The following DLG1 variants were observed in gnomAD, a reference collection of about 807,000 sequenced individuals.
The protein encoded by DLG1 is disks large homolog 1.
Under a neutral mutation model 123.4 loss-of-function variants are expected in DLG1, and 42 were observed. The ratio of observed to expected loss-of-function variants is 0.34; its 90% CI spans 0.27 to 0.44. The LOEUF (loss-of-function observed/expected upper bound fraction) is 0.44. Ranked by LOEUF, DLG1 falls within the 20% of genes least tolerant of loss-of-function variation. The pLI, the probability that DLG1 is intolerant of heterozygous loss-of-function variation, is 1.00. For synonymous variants in DLG1, 317 were observed against 356.2 expected (o/e 0.89, Z 1.24); for missense variants, 942 against 1,082.6 (o/e 0.87, Z 1.82).
rs182749307 is a variant in DLG1 at position 197,199,496 on chromosome 3, T to C, written c.319-4907A>G. On this transcript the variant is annotated intron_variant, in intron 4 of 24. Coordinates refer to ENST00000667157, the MANE Select transcript of DLG1 (RefSeq NM_001366207.1). The stretch of plus-strand genomic sequence containing the variant: ...AAACAAATTTCATCCCATCCCAACA[T>C]ATCTCATTATGTATATGCAAATATC... Among the ~76,000 whole-genome samples, 9 of 152,308 alleles carry C rather than the reference T, an allele frequency of 5.9e-5. No homozygotes were observed. In the East Asian group the frequency reaches 1.3e-3, roughly 23 times the overall value.
At chr3:197,093,797 T>C (rs1759119465) in intron 14 of DLG1, among the ~76,000 whole-genome samples, 1 of 152,196 alleles carries the variant, frequency 6.6e-6, no homozygotes, top group Admixed American at 6.5e-5. Context: ...TGGCAGATTA[T>C]ATTTTCCAAA....
chr3:197,071,040 T>C (rs1241244216), intron 18 of DLG1: 1 of 152,216 alleles, frequency 6.6e-6, no homozygotes, highest in East Asian at 1.9e-4. Context: ...TTTTCACAAG[T>C]ATCAACAATT....
intron 4 of DLG1, among the ~76,000 whole-genome samples, chr3:197,238,620 T>C (rs527597445): frequency 4.3e-4 from 65 of 152,164 alleles, no homozygotes; most frequent in Middle Eastern, 6.8e-3. Flanking sequence ...AAGATAGATA[T>C]AGCACATGAA....
chr3:197,121,484 A>G lies in DLG1; in HGVS notation c.1166-1954T>C, dbSNP rs146901412. Among the ~76,000 whole-genome samples, 570 of 152,284 alleles carry G rather than the reference A, an allele frequency of 3.7e-3. 3 individuals are homozygous for G. Among genetic ancestry groups the G allele is most frequent in the African/African-American group, 0.013 (538 of 41,572 alleles). ...GCAAGGCCATGCAGCTAAAGAGAAT[A>G]TAAGTTAAAAGCGAGAAAATATATA... On this transcript the variant is annotated intron_variant, in intron 11 of 24. Transcript: ENST00000667157.
intron 4 of DLG1, among the ~76,000 whole-genome samples, chr3:197,216,738 A>T (rs1273383186): frequency 6.6e-6 from 1 of 152,232 alleles, no homozygotes; most frequent in Non-Finnish European, 1.5e-5. Flanking sequence ...TAGTGGTAGG[A>T]ATCCTTCTGA....
At chr3:197,270,512 AAG>A (rs1475747911) in intron 4 of DLG1, among the ~76,000 whole-genome samples, 1 of 152,202 alleles carries the variant, frequency 6.6e-6, no homozygotes, top group African/African-American at 2.4e-5. Flanking sequence ...GATGAAGAAA[AAG>A]AGTGTTATAG....
At chr3:197,228,706 T>C (rs1039248927) in intron 4 of DLG1, among the ~76,000 whole-genome samples, 1 of 152,232 alleles carries the variant, frequency 6.6e-6, no homozygotes, top group Non-Finnish European at 1.5e-5. Flanking sequence ...TAAAGTGTCT[T>C]AGGCTGTTCT....
At chr3:197,125,863 T>C (rs772845285) in intron 11 of DLG1, among the ~76,000 whole-genome samples, 2 of 152,124 alleles carry the variant, frequency 1.3e-5, no homozygotes, top group Non-Finnish European at 2.9e-5. Context: ...GCCAGACTGA[T>C]GAAGAGAACA....
At chr3:197,050,792 C>T (rs1727063052) in intron 24 of DLG1, among the ~76,000 whole-genome samples, 1 of 152,152 alleles carries the variant, frequency 6.6e-6, no homozygotes, top group Admixed American at 6.6e-5. Context: ...TAAGAGTCTT[C>T]CCTACACACA....
At chr3:197,067,215 C>T (rs907281573) in intron 19 of DLG1, among the ~76,000 whole-genome samples, 1 of 151,852 alleles carries the variant, frequency 6.6e-6, no homozygotes, top group African/African-American at 2.4e-5. Flanking sequence ...AAAATAATTA[C>T]ATCTTAAAAT....
At chr3:197,178,607 AAG>A (rs1808397937) in intron 5 of DLG1, among the ~76,000 whole-genome samples, 3 of 152,334 alleles carry the variant, frequency 2.0e-5, no homozygotes, top group South Asian at 4.1e-4. Flanking sequence ...TGAGTATAAA[AAG>A]AGAGTTCAAA....
chr3:197,155,171 G>C (rs1380671164), intron 5 of DLG1, among the ~76,000 whole-genome samples: 4 of 152,112 alleles, frequency 2.6e-5, no homozygotes, highest in African/African-American at 9.7e-5. Context: ...ATTTTTGAAA[G>C]CAACAAGAGA....
chr3:197,284,532 G>A (rs550502932), intron 3 of DLG1, among the ~76,000 whole-genome samples: 13 of 152,130 alleles, frequency 8.5e-5, no homozygotes, highest in African/African-American at 1.9e-4. Context: ...AAGAAAATGG[G>A]AGCACAGAGG....
chr3:197,090,628 A>G (rs1485321765), intron 15 of DLG1, among the ~76,000 whole-genome samples: 1 of 152,120 alleles, frequency 6.6e-6, no homozygotes, highest in East Asian at 1.9e-4. Context: ...TGTAGTCACT[A>G]CTAACACATC....
chr3:197,051,717 TAAAAA>T (rs35272365), intron 23 of DLG1, 49 bp from the exon 24 acceptor site: 1 of 1,423,292 alleles, frequency 7.0e-7, no homozygotes, highest in East Asian at 2.3e-5. Context: ...ATAATACTTT[TAAAAA>T]AAAGATGGCA....
chr3:197,058,003 A>G lies in DLG1; in HGVS notation c.2483+1886T>C, dbSNP rs369235993. Among the ~76,000 whole-genome samples, 12 of 150,594 alleles carry G rather than the reference A, an allele frequency of 8.0e-5. No homozygotes were observed. In the East Asian group the frequency reaches 1.8e-3, roughly 22 times the overall value. ...GTTTTCTTTTTTTTTTCCTTGGGAC[A>G]GGGTCTCGCTCTGTCACCAGGCTGG... On this transcript the variant is annotated intron_variant, in intron 23 of 24. Coordinates refer to ENST00000667157, the MANE Select transcript of DLG1 (RefSeq NM_001366207.1).
chr3:197,186,557 T>C (rs1401144413), intron 5 of DLG1, among the ~76,000 whole-genome samples: 1 of 152,184 alleles, frequency 6.6e-6, no homozygotes, highest in Non-Finnish European at 1.5e-5. Flanking sequence ...ATTAGTTCAG[T>C]GGATTACTAT....
chr3:197,099,221 A>C (rs1762201416), intron 14 of DLG1, among the ~76,000 whole-genome samples: 1 of 152,152 alleles, frequency 6.6e-6, no homozygotes, highest in Admixed American at 6.5e-5. Flanking sequence ...ATGCATCACT[A>C]TGCCCAGCTC....
At chr3:197,192,370 A>C (rs1234554431) in intron 5 of DLG1, among the ~76,000 whole-genome samples, 2 of 152,202 alleles carry the variant, frequency 1.3e-5, no homozygotes, top group East Asian at 1.9e-4. Context: ...TTATAAAAGA[A>C]TACTACTAGA....
Sources: gnomAD v4.1 joint callset for allele counts (sites outside exome capture counted in the v4.1 genomes callset) on GRCh38, gnomAD v4.1.1 for gene constraint, MANE v1.5 for transcripts, NCBI Gene and HGNC (gene_info 2026-07-23, HGNC 2026-07-21) for gene names.